Variants in LAMC3 observed in about 807,000 individuals in gnomAD.
LAMC3 encodes the protein laminin subunit gamma 3.
A neutral mutation model predicts 173.8 loss-of-function variants in LAMC3; 128 were observed. The observed-to-expected ratio is 0.74, with a 90% CI of 0.64 to 0.85. LAMC3 has a LOEUF of 0.85. Ranked by LOEUF, LAMC3 falls within the 40% of genes least tolerant of loss-of-function variation. The pLI is 0.00. For synonymous variants in LAMC3, 897 were observed against 909.1 expected (o/e 0.99, Z 0.24); for missense variants, 2,022 against 2,156.0 (o/e 0.94, Z 1.23).
Position 131,047,165 on chromosome 9 carries a change from CTT to C in LAMC3, c.1519+1521_1519+1522del, listed in dbSNP as rs398012456. Among the ~76,000 whole-genome samples the C allele has an allele frequency of 9.8e-5, 10 of 102,160 alleles. 1 individual carries two copies. Among genetic ancestry groups the C allele is most frequent in the African/African-American group, 1.5e-4 (4 of 26,590 alleles). The allele number at this position is 102,160 out of a possible 152,430, so 67.0% of individuals were successfully genotyped here. ...AAAACTTTTTGGTCTCTGAATTCCT[CTT>C]TTTTTTTTTTTTTTTAAGACGGAGT... On this transcript the variant is annotated intron_variant, in intron 8 of 27. Transcript: ENST00000361069.
chr9:131,032,571 T>TTG (rs1216014070), intron 3 of LAMC3, among the ~76,000 whole-genome samples: 1 of 133,004 alleles, frequency 7.5e-6, no homozygotes, highest in Non-Finnish European at 1.5e-5. Context: ...TCTCTCTTGC[T>TTG]CTCTCTCGCT....
In LAMC3 at chr9:131,091,806, G is replaced by T; in HGVS notation, c.*19G>T. ...GCAGTGAGGGCTGCCCAGATCCCCGGCACACACTCCCCCACCTGCTGTTTA... is the reference window on the plus strand; with the variant it reads ...GCAGTGAGGGCTGCCCAGATCCCCGTCACACACTCCCCCACCTGCTGTTTA... On this transcript the variant is annotated 3_prime_UTR_variant, in exon 28 of 28. Coordinates refer to ENST00000361069, the MANE Select transcript of LAMC3 (RefSeq NM_006059.4). 6.2e-7 allele frequency: 1 copy of T among 1,610,486 alleles called. No individual in the cohort carries two copies.
chr9:131,041,461 A>G (rs1834055942), intron 6 of LAMC3, among the ~76,000 whole-genome samples, 176 bp from the exon 7 acceptor site: 1 of 151,954 alleles, frequency 6.6e-6, no homozygotes, highest in East Asian at 1.9e-4. Flanking sequence ...GGACCACTGT[A>G]CCAGTGATGG....
chr9:131,064,676 A>G (rs12236446), intron 13 of LAMC3, among the ~76,000 whole-genome samples: 24 of 146,478 alleles, frequency 1.6e-4, no homozygotes, highest in Admixed American at 2.0e-4. Context: ...AAAAAAAAAA[A>G]AAAAGAAATG....
chr9:131,081,071 G>A (rs1830229891), intron 23 of LAMC3, among the ~76,000 whole-genome samples: 1 of 152,114 alleles, frequency 6.6e-6, no homozygotes, highest in East Asian at 1.9e-4. Context: ...TTCCACTTCC[G>A]AGGCCCGGGC....
At chr9:131,040,184 ATT>A (rs57525110) in intron 6 of LAMC3, among the ~76,000 whole-genome samples, 2 of 145,730 alleles carry the variant, frequency 1.4e-5, no homozygotes, top group African/African-American at 2.5e-5. Context: ...CACTATCTCT[ATT>A]TTTTTTTTTA....
At chr9:131,010,402 G>A (rs79392249) in intron 1 of LAMC3, among the ~76,000 whole-genome samples, 4,287 of 152,340 alleles carry the variant, frequency 0.028, 218 homozygotes, top group African/African-American at 0.097. Context: ...GATAGACTGA[G>A]GGGTGCCCCG....
At chr9:131,020,625 A>G (rs1028836955) in intron 1 of LAMC3, among the ~76,000 whole-genome samples, 1 of 152,208 alleles carries the variant, frequency 6.6e-6, no homozygotes, top group East Asian at 1.9e-4. Flanking sequence ...GCATGTTTGC[A>G]AAGAGAGGTG....
chr9:131,075,545 A>G (rs1182034503), intron 20 of LAMC3, among the ~76,000 whole-genome samples: 1 of 150,316 alleles, frequency 6.7e-6, no homozygotes, highest in East Asian at 1.9e-4. Context: ...CCTGGGCAAT[A>G]GAGTGAGACT....
At chr9:131,015,935 G>A (rs1217979882) in intron 1 of LAMC3, among the ~76,000 whole-genome samples, 3 of 152,210 alleles carry the variant, frequency 2.0e-5, no homozygotes, top group African/African-American at 7.2e-5. Flanking sequence ...TGGGAATACA[G>A]GCGTGAGCCA....
chr9:131,051,365 C>CTTTTTT (rs58477043), intron 9 of LAMC3, among the ~76,000 whole-genome samples: 1 of 126,840 alleles, frequency 7.9e-6, no homozygotes, highest in Non-Finnish European at 1.6e-5. Flanking sequence ...TTTTACCATT[C>CTTTTTT]TTTTTTTTTT....
At chr9:131,062,822 G>C (rs774870217) in intron 13 of LAMC3, among the ~76,000 whole-genome samples, 1 of 151,004 alleles carries the variant, frequency 6.6e-6, no homozygotes, top group Non-Finnish European at 1.5e-5. Context: ...TGAGCCAAGA[G>C]CGTGCCACTG....
chr9:131,015,995 C>T (rs1469552832), intron 1 of LAMC3, among the ~76,000 whole-genome samples: 4 of 152,132 alleles, frequency 2.6e-5, no homozygotes, highest in Non-Finnish European at 4.4e-5. Flanking sequence ...GGCAAGGCAG[C>T]CTAAGTGTCC....
rs990981381 is a variant in LAMC3 at position 131,032,472 on chromosome 9, C to T, written c.809+297C>T. Among the ~76,000 whole-genome samples the T allele has an allele frequency of 3.3e-5, 5 of 151,080 alleles. 1 individual carries two copies. The highest frequency in any genetic ancestry group is 6.6e-5 in the Admixed American group (1 of 15,182). ...CTCCCTCCCTTCCTCCCTTCGCTCT[C>T]GCTCTCTTTCTCTCGCTCTCGCTCT... On this transcript the variant is annotated intron_variant, in intron 3 of 27. Coordinates refer to ENST00000361069, the MANE Select transcript of LAMC3 (RefSeq NM_006059.4).
At position 131,058,892 on chromosome 9, in the gene LAMC3, A is replaced by AG. The variant is rs536001526; in HGVS notation, c.2158+1747dup. 1.9e-3 allele frequency among the ~76,000 whole-genome samples: 256 copies of AG among 135,354 alleles called. 1 individual carries two copies. The highest frequency in any genetic ancestry group is 8.1e-3 in the African/African-American group (250 of 30,820). 88.8% of individuals were successfully genotyped at this position (135,354 alleles called of 152,430 possible). On this transcript the variant is annotated intron_variant, in intron 12 of 27. Coordinates refer to ENST00000361069, the MANE Select transcript of LAMC3 (RefSeq NM_006059.4). ...CTGGGTGACAAGAGCAAGACTCCAG[A>AG]GGAAAAAAGAAAAAAAAAAAGAAGA...
chr9:131,009,299 G>T lies in LAMC3; in HGVS notation c.85G>T (p.Ala29Ser). ...GGGCATGGGCGCGTGCTATGACGGC[G>T]CAGGGCGCCCGCAGCGCTGCCTGCC... ...GAGMGACYDGAGRPQRCLPVF... is the reference protein window; with the variant it reads ...GAGMGACYDGSGRPQRCLPVF... Residue 29 changes from alanine to serine, a missense_variant, in exon 1 of 28, where the codon GCA (alanine) becomes TCA (serine). Ala to Ser is a moderately conservative substitution (Grantham distance 99, BLOSUM62 1). Coordinates refer to ENST00000361069, the MANE Select transcript of LAMC3 (RefSeq NM_006059.4). This position sits in a 1 kb window ranked among gnomAD's most constrained non-coding sequence, Gnocchi z 4.3. 7.0e-7 allele frequency: 1 copy of T among 1,435,840 alleles called. No homozygotes were observed. The highest frequency in any genetic ancestry group is 9.1e-7 in the Non-Finnish European group (1 of 1,100,668). The allele number at this position is 1,435,840 out of a possible 1,614,324, so 88.9% of individuals were successfully genotyped here. A position where few individuals can be genotyped will look rare whatever the true frequency, so the allele number is the denominator to read the frequency against.
At chr9:131,080,991 C>T (rs1443269062) in intron 23 of LAMC3, among the ~76,000 whole-genome samples, 1 of 152,242 alleles carries the variant, frequency 6.6e-6, no homozygotes, top group African/African-American at 2.4e-5. Flanking sequence ...TATGCCACCT[C>T]CACCTCAGTC....
intron 22 of LAMC3, 46 bp downstream of exon 22, chr9:131,077,380 A>G (rs1830149524): frequency 1.2e-6 from 2 of 1,608,010 alleles, no homozygotes; most frequent in Non-Finnish European, 1.7e-6. Flanking sequence ...GGGAGGATCT[A>G]TTATAGAAGC....
intron 27 of LAMC3, among the ~76,000 whole-genome samples, chr9:131,088,786 AT>A (rs1372408023): frequency 6.6e-6 from 1 of 151,948 alleles, no homozygotes. Context: ...GTCTCTATGA[AT>A]TTGACTACTC....
Sources: allele counts gnomAD v4.1 joint callset (sites outside exome capture counted in the v4.1 genomes callset), GRCh38; gene constraint gnomAD v4.1.1; non-coding constraint Gnocchi (gnomAD v3.1); transcripts MANE v1.5; gene names NCBI Gene and HGNC (gene_info 2026-07-23, HGNC 2026-07-21).